NT5E: variants seen among roughly 807,000 people sequenced by gnomAD.
NT5E encodes 5'-nucleotidase.
In NT5E, 53 loss-of-function variants were observed where a neutral mutation model predicts 55.1. The observed-to-expected ratio is 0.96, with a 90% CI of 0.77 to 1.21. The LOEUF is 1.21. Ranked by LOEUF, NT5E falls within the 50% of genes most tolerant of loss-of-function variation. The pLI is 0.00. For synonymous variants in NT5E, 270 were observed against 278.4 expected, an observed-to-expected ratio of 0.97 and a Z score of 0.30; for missense variants, 683 against 724.3, an observed-to-expected ratio of 0.94 and a Z score of 0.65.
At chr6:85,486,230 G>A (rs1014830502) in intron 4 of NT5E, among the ~76,000 whole-genome samples, 4 of 152,144 alleles carry the variant, frequency 2.6e-5, no homozygotes, top group Non-Finnish European at 2.9e-5. Context: ...TTACAATATA[G>A]TGTGTGCGTC....
intron 8 of NT5E, 120 bp downstream of exon 8, chr6:85,492,297 G>A: frequency 1.2e-6 from 1 of 861,662 alleles, no homozygotes; most frequent in Non-Finnish European, 1.9e-6. Flanking sequence ...CTCCTGCTTT[G>A]CTTGTTGGAA....
chr6:85,485,602 C>T (rs1330826477), intron 4 of NT5E, among the ~76,000 whole-genome samples, 170 bp downstream of exon 4: 1 of 152,200 alleles, frequency 6.6e-6, no homozygotes, highest in Non-Finnish European at 1.5e-5. Flanking sequence ...AAAACACACC[C>T]AAATGCCAAA....
At chr6:85,478,753 A>T (rs1378342548) in intron 3 of NT5E, among the ~76,000 whole-genome samples, 3 of 151,182 alleles carry the variant, frequency 2.0e-5, no homozygotes, top group African/African-American at 7.3e-5. Flanking sequence ...ATATAGAAAG[A>T]ATATTAGAGA....
At chr6:85,465,655 A>T (rs1280777255) in intron 1 of NT5E, among the ~76,000 whole-genome samples, 1 of 152,224 alleles carries the variant, frequency 6.6e-6, no homozygotes, top group African/African-American at 2.4e-5. Context: ...TCTCTGCACA[A>T]ACACATTCAC....
At chr6:85,476,541 G>C (rs1252071387) in intron 3 of NT5E, among the ~76,000 whole-genome samples, 1 of 152,204 alleles carries the variant, frequency 6.6e-6, no homozygotes, top group African/African-American at 2.4e-5. Flanking sequence ...TAGCTTTGCT[G>C]TCCATGGACA....
At chr6:85,483,377 G>C (rs1374549763) in intron 3 of NT5E, among the ~76,000 whole-genome samples, 1 of 152,200 alleles carries the variant, frequency 6.6e-6, no homozygotes, top group Non-Finnish European at 1.5e-5. Flanking sequence ...CCAGGCACCA[G>C]GTTTGCCCAA....
intron 1 of NT5E, among the ~76,000 whole-genome samples, chr6:85,455,601 T>A (rs1206217687): frequency 6.6e-6 from 1 of 152,204 alleles, no homozygotes; most frequent in Admixed American, 6.5e-5. Context: ...ATGAGTGAGT[T>A]CTGTAAGCTG....
intron 7 of NT5E, chr6:85,491,473 G>A: frequency 3.4e-6 from 1 of 296,652 alleles, no homozygotes; most frequent in South Asian, 3.2e-5. Flanking sequence ...ATGCCTATGG[G>A]GCAACCCAAA....
chr6:85,480,940 A>G (rs1179672396), intron 3 of NT5E, among the ~76,000 whole-genome samples: 2 of 152,004 alleles, frequency 1.3e-5, no homozygotes, highest in Non-Finnish European at 2.9e-5. Flanking sequence ...CTGTATCCCA[A>G]CTCCCAGTTC....
intron 3 of NT5E, among the ~76,000 whole-genome samples, chr6:85,473,784 A>G (rs1330074039): frequency 6.6e-6 from 1 of 152,220 alleles, no homozygotes; most frequent in Non-Finnish European, 1.5e-5. Flanking sequence ...CCATGTTTCT[A>G]AAAACTCAGC....
rs200324742 is a variant in NT5E at position 85,493,739 on chromosome 6, CT to C, written c.1562-101del. ...TCTTGTCTTCTGTGACACTTTACCC[CT>C]GCTTATGAAATTGCTTCCCTTTTAT... On this transcript the variant is annotated intron_variant, in intron 8 of 8. Transcript: ENST00000257770. 1,691 of 956,474 alleles carry C rather than the reference CT, an allele frequency of 1.8e-3. 23 individuals are homozygous for C. The African/African-American group carries it at 0.025, about 14-fold the overall frequency. 59.2% of individuals were successfully genotyped at this position (956,474 alleles called of 1,614,324 possible).
At chr6:85,480,041 C>G (rs1036411260) in intron 3 of NT5E, among the ~76,000 whole-genome samples, 1 of 152,152 alleles carries the variant, frequency 6.6e-6, no homozygotes, top group Non-Finnish European at 1.5e-5. Context: ...GATGACGCAC[C>G]AGACCATGGG....
intron 1 of NT5E, among the ~76,000 whole-genome samples, chr6:85,461,446 G>A (rs1769097055): frequency 6.6e-6 from 1 of 152,232 alleles, no homozygotes; most frequent in Non-Finnish European, 1.5e-5. Context: ...AAGCAAGCGA[G>A]CCACAAAGCC....
At chr6:85,493,109 A>T (rs1227461887) in intron 8 of NT5E, among the ~76,000 whole-genome samples, 1 of 152,186 alleles carries the variant, frequency 6.6e-6, no homozygotes, top group African/African-American at 2.4e-5. Context: ...GCAGAAGGCT[A>T]AGGAAGCCCT....
intron 3 of NT5E, among the ~76,000 whole-genome samples, chr6:85,479,765 C>G (rs1354442186): frequency 6.6e-6 from 1 of 152,162 alleles, no homozygotes; most frequent in Non-Finnish European, 1.5e-5. Context: ...TCTCTCCACC[C>G]CATTCTTTTG....
chr6:85,453,325 G>A (rs544789791), intron 1 of NT5E, among the ~76,000 whole-genome samples: 2 of 152,300 alleles, frequency 1.3e-5, no homozygotes, highest in East Asian at 3.9e-4. Flanking sequence ...GAATACATGA[G>A]ATAATCCCTG....
intron 2 of NT5E, among the ~76,000 whole-genome samples, chr6:85,468,543 A>G (rs559635425): frequency 6.6e-6 from 1 of 152,328 alleles, no homozygotes; most frequent in South Asian, 2.1e-4. Context: ...GACTGTGCAC[A>G]GTGCCTGGCA....
intron 8 of NT5E, among the ~76,000 whole-genome samples, chr6:85,493,198 C>T (rs1043792075): frequency 6.6e-6 from 1 of 152,102 alleles, no homozygotes; most frequent in African/African-American, 2.4e-5. Flanking sequence ...ATGGCTCGGC[C>T]GCAGCTCTTA....
chr6:85,465,613 C>G (rs554992052), intron 1 of NT5E, among the ~76,000 whole-genome samples: 1 of 152,264 alleles, frequency 6.6e-6, no homozygotes, highest in African/African-American at 2.4e-5. Context: ...ATAGGGGAGA[C>G]AAGTATGTAG....
Sources: gnomAD v4.1 joint callset for allele counts (sites outside exome capture counted in the v4.1 genomes callset) on GRCh38, gnomAD v4.1.1 for gene constraint, MANE v1.5 for transcripts, NCBI Gene and HGNC (gene_info 2026-07-23, HGNC 2026-07-21) for gene names.